Variants in IQCN observed in about 807,000 individuals in gnomAD.
IQCN encodes IQ domain-containing protein N.
In IQCN, 46 loss-of-function variants were observed where a neutral mutation model predicts 64.4. The observed-to-expected ratio is 0.71, with a 90% CI of 0.56 to 0.91. IQCN has a LOEUF of 0.91. Among genes scored for constraint, IQCN ranks in the 40% least tolerant of loss-of-function variants. The pLI, the probability that IQCN is intolerant of heterozygous loss-of-function variation, is 0.00. For missense variants in IQCN, 1,753 were observed against 1,857.4 expected (o/e 0.94, Z 1.03); for synonymous variants, 733 against 775.6 (o/e 0.95, Z 0.91).
chr19:18,257,913 A>T lies in IQCN; in HGVS notation c.3371T>A (p.Val1124Asp). 1.9e-6 allele frequency: 3 copies of T among 1,612,740 alleles called. No individual in the cohort carries two copies. The highest frequency in any genetic ancestry group is 2.5e-6 in the Non-Finnish European group (3 of 1,179,902). Residue 1124 changes from valine to aspartate, a missense_variant, in exon 4 of 4, where the codon GTC becomes GAC. By Grantham distance (152) the Val-to-Asp change is radical. Transcript: ENST00000392413. ...ILAVITIQAG[V>D]RGYLARRRIR... is the part of the protein sequence containing the mutation. Reference sequence around the variant, plus strand: ...CCTGCGACGCGCCAGGTAGCCACGGACGCCCGCCTGGATAGTGATCACTGC... The same window carrying T: ...CCTGCGACGCGCCAGGTAGCCACGGTCGCCCGCCTGGATAGTGATCACTGC...
In IQCN at chr19:18,264,988, T is replaced by C; in HGVS notation, c.2552A>G (p.Asp851Gly). 2 of 1,606,644 alleles carry C rather than the reference T, an allele frequency of 1.2e-6. No homozygotes were observed. The highest frequency in any genetic ancestry group is 1.7e-6 in the Non-Finnish European group (2 of 1,179,840). Residue 851 changes from aspartate (D) to glycine (G), a missense_variant, in exon 3 of 4, where the codon GAC becomes GGC. By Grantham distance (94) the Asp-to-Gly change is moderately conservative. Coordinates refer to ENST00000392413, the MANE Select transcript of IQCN (RefSeq NM_001145304.2). The surrounding 1 kb of genome is among the most constrained non-coding windows in gnomAD (Gnocchi z 4.3). ...TGGCTGGGCACGTGTGGCTCCGTTG[T>C]CTCCCCAGGACTCAACGTTGCATGT... ...HSTCNVESWG[D>G]NGATRAQPSM...
rs763978614 is a variant in IQCN, at chr19:18,266,644, G to T, written c.896C>A (p.Ser299Tyr). The change falls in exon 3 of 4, where the codon TCC (serine) becomes TAC (tyrosine). Residue 299 changes from serine (S) to tyrosine (Y), a missense_variant. By Grantham distance (144) the Ser-to-Tyr change is moderately radical. Transcript: ENST00000392413. This position sits in a 1 kb window ranked among gnomAD's most constrained non-coding sequence, Gnocchi z 4.3. ...NKARAPETPL[S>Y]RRYDQAVTRP... ...CGTAACTGCCTGGTCATACCTTCTG[G>T]ACAATGGTGTCTCCGGAGCCCTGGC... 1 of 1,614,098 alleles carries T rather than the reference G, an allele frequency of 6.2e-7. No individual in the cohort carries two copies. Among genetic ancestry groups the T allele is most frequent in the South Asian group, 1.1e-5 (1 of 91,084 alleles).
In IQCN at chr19:18,265,863, A is replaced by C. The variant is rs1969560715; in HGVS notation, c.1677T>G (p.Asn559Lys). ...TCACCACCTTTGCAGCCTGCTTCACATTCACGGTGGCCTTGGCCTTGGGTG... is the reference window on the plus strand; with the variant it reads ...TCACCACCTTTGCAGCCTGCTTCACCTTCACGGTGGCCTTGGCCTTGGGTG... Reference protein sequence around the residue: ...ENPPKAKATVNVKQAAKVVKA... With the variant: ...ENPPKAKATVKVKQAAKVVKA... The change falls in exon 3 of 4, where the codon AAT becomes AAG. Residue 559 changes from asparagine to lysine, a missense_variant. Asn to Lys is a moderately conservative substitution (Grantham distance 94). Coordinates refer to ENST00000392413, the MANE Select transcript of IQCN (RefSeq NM_001145304.2). This position sits in a 1 kb window ranked among gnomAD's most constrained non-coding sequence, Gnocchi z 4.7. 3 of 1,614,046 alleles carry C rather than the reference A, an allele frequency of 1.9e-6. No individual in the cohort carries two copies. Among genetic ancestry groups the C allele is most frequent in the Non-Finnish European group, 2.5e-6 (3 of 1,180,004 alleles).
chr19:18,267,920 G>A (rs1273797519), intron 2 of IQCN: 3 of 155,984 alleles, frequency 1.9e-5, no homozygotes, highest in African/African-American at 7.4e-5. Context: ...AGCCTCCCGA[G>A]TAGCTGGGAT....
chr19:18,264,263 C>A lies in IQCN; in HGVS notation c.3177+100G>T, dbSNP rs1004473307. 4.8e-6 allele frequency: 5 copies of A among 1,035,064 alleles called. No individual in the cohort carries two copies. The African/African-American group carries it at 6.5e-5, about 13-fold the overall frequency. 64.1% of individuals were successfully genotyped at this position (1,035,064 alleles called of 1,614,324 possible). A position where few individuals can be genotyped will look rare whatever the true frequency, so the allele number is the denominator to read the frequency against. Reference sequence around the variant, plus strand: ...CAGTGACCACAGATAAGCAGGGTGACCCCCACAAGATGGCCCCATCAATCC... The same window carrying A: ...CAGTGACCACAGATAAGCAGGGTGAACCCCACAAGATGGCCCCATCAATCC... On this transcript the variant is annotated intron_variant, in intron 3 of 3. Coordinates refer to ENST00000392413, the MANE Select transcript of IQCN (RefSeq NM_001145304.2). This position sits in a 1 kb window ranked among gnomAD's most constrained non-coding sequence, Gnocchi z 4.3.
chr19:18,272,976 G>A (rs567176256), intron 1 of IQCN, among the ~76,000 whole-genome samples: 1 of 152,160 alleles, frequency 6.6e-6, no homozygotes, highest in East Asian at 1.9e-4. Context: ...ATATTGAAAG[G>A]GTCCATTCGG....
Position 18,266,081 on chromosome 19 carries a change from C to T in IQCN, c.1459G>A (p.Gly487Arg). 17 of 1,613,602 alleles carry T rather than the reference C, an allele frequency of 1.1e-5. No individual in the cohort carries two copies. The highest frequency in any genetic ancestry group is 1.4e-5 in the Non-Finnish European group (16 of 1,179,878). Residue 487 changes from glycine to arginine, a missense_variant, in exon 3 of 4, where the codon GGG becomes AGG. Transcript: ENST00000392413. The surrounding 1 kb of genome is among the most constrained non-coding windows in gnomAD (Gnocchi z 4.3). ...GTCTGGGGTGAGGGCTTGGTCACCCCAACTGGGCTCCTCTGGGATGAAGTC... is the reference window on the plus strand; with the variant it reads ...GTCTGGGGTGAGGGCTTGGTCACCCTAACTGGGCTCCTCTGGGATGAAGTC... The part of the protein sequence containing the change: ...SKTSSQRSPV[G>R]VTKPSPQTRL...
intron 1 of IQCN, among the ~76,000 whole-genome samples, chr19:18,270,551 C>T (rs529657774): frequency 6.6e-6 from 1 of 151,742 alleles, no homozygotes; most frequent in South Asian, 2.1e-4. Flanking sequence ...CCCAGCTACT[C>T]GGGAGGCTGA....
In IQCN at chr19:18,267,013, G is replaced by T; in HGVS notation, c.527C>A (p.Pro176Gln). Residue 176 changes from proline to glutamine, a missense_variant, in exon 3 of 4, where the codon CCG (proline) becomes CAG (glutamine). By Grantham distance (76) the Pro-to-Gln change is moderately conservative. Transcript: ENST00000392413. ...HAPQQVRFQH[P>Q]EENRLLSPPI... ...CGGGGACAGAAGGCGGTTCTCTTCC[G>T]GATGCTGGAAGCGCACCTGCTGTGG... 2 of 1,614,232 alleles carry T rather than the reference G, an allele frequency of 1.2e-6. No homozygotes were observed. Among genetic ancestry groups the T allele is most frequent in the Non-Finnish European group, 1.7e-6 (2 of 1,180,034 alleles).
At chr19:18,272,139 T>C (rs1374275697) in intron 1 of IQCN, among the ~76,000 whole-genome samples, 1 of 134,026 alleles carries the variant, frequency 7.5e-6, no homozygotes, top group Non-Finnish European at 1.6e-5. Context: ...TTTTTTTTTC[T>C]CTCTCTCTTT....
At chr19:18,269,674 A>G (rs1262136168) in intron 1 of IQCN, 87 bp from the exon 2 acceptor site, 1 of 256,892 alleles carries the variant, frequency 3.9e-6, no homozygotes, top group African/African-American at 3.1e-5. Flanking sequence ...CTAAATTCTA[A>G]AAAAAAAAAA....
chr19:18,267,598 C>T, intron 2 of IQCN, 72 bp from the exon 3 acceptor site: 1 of 1,465,486 alleles, frequency 6.8e-7, no homozygotes, highest in East Asian at 2.4e-5. Flanking sequence ...CTGGGGTGGA[C>T]ACTGGCCCCC....
chr19:18,263,171 C>T (rs979331275), intron 3 of IQCN, among the ~76,000 whole-genome samples: 6 of 152,180 alleles, frequency 3.9e-5, no homozygotes, highest in African/African-American at 1.2e-4. Context: ...CAGACTTCAC[C>T]GCAAGGTCCC....
rs1473304444 is a variant in IQCN, at chr19:18,266,955, A to G, written c.585T>C (p.Pro195=). The part of the protein sequence containing the change: ...PIMVNKETQF[P]SCDNLVLCRP... ...TGCAGAGGACCAGATTGTCACAGGA[A>G]GGGAACTGGGTCTCCTTGTTCACCA... The change falls in exon 3 of 4, where the codon CCT becomes CCC. Residue 195 remains proline, a synonymous_variant. Transcript: ENST00000392413. This position sits in a 1 kb window ranked among gnomAD's most constrained non-coding sequence, Gnocchi z 4.3. The G allele has an allele frequency of 6.2e-7, 1 of 1,612,314 alleles. No homozygotes were observed. The highest frequency in any genetic ancestry group is 1.3e-5 in the African/African-American group (1 of 74,866).
intron 1 of IQCN, among the ~76,000 whole-genome samples, chr19:18,271,884 A>G (rs1488237504): frequency 6.6e-6 from 1 of 151,468 alleles, no homozygotes; most frequent in Non-Finnish European, 1.5e-5. Context: ...ATCTTGGCTC[A>G]CTGCAACCTC....
intron 1 of IQCN, among the ~76,000 whole-genome samples, chr19:18,270,051 T>TAAAAAAAAAAAAAA (rs60981546): frequency 1.6e-4 from 12 of 75,830 alleles, no homozygotes; most frequent in African/African-American, 6.9e-4. Flanking sequence ...AACTGTCTCT[T>TAAAAAAAAAAAAAA]AAAAAAAAAA....
In IQCN at chr19:18,266,838, C is replaced by G; in HGVS notation, c.702G>C (p.Gly234=). The G allele has an allele frequency of 6.2e-7, 1 of 1,612,398 alleles. No individual in the cohort carries two copies. Among genetic ancestry groups the G allele is most frequent in the Non-Finnish European group, 8.5e-7 (1 of 1,178,522 alleles). The change falls in exon 3 of 4, where the codon GGG becomes GGC. Residue 234 remains glycine, a synonymous_variant. Coordinates refer to ENST00000392413, the MANE Select transcript of IQCN (RefSeq NM_001145304.2). This position sits in a 1 kb window ranked among gnomAD's most constrained non-coding sequence, Gnocchi z 4.3. ...VQGPHAARVR[G]LAFLPHQTVT... Reference sequence around the variant, plus strand: ...CCGTCTGGTGTGGCAGGAAGGCCAGCCCCCGGACTCTGGCAGCATGAGGAC... The same window carrying G: ...CCGTCTGGTGTGGCAGGAAGGCCAGGCCCCGGACTCTGGCAGCATGAGGAC...
Position 18,264,358 on chromosome 19 carries a change from C to A in IQCN, c.3177+5G>T. ...ACCCCAGATCCCAACCTGGGAATCCCTGACCTTGCTGGTCTGTGGTCTCAC... is the reference window on the plus strand; with the variant it reads ...ACCCCAGATCCCAACCTGGGAATCCATGACCTTGCTGGTCTGTGGTCTCAC... On this transcript the variant is annotated splice_donor_5th_base_variant and intron_variant, in intron 3 of 3. Coordinates refer to ENST00000392413, the MANE Select transcript of IQCN (RefSeq NM_001145304.2). This position sits in a 1 kb window ranked among gnomAD's most constrained non-coding sequence, Gnocchi z 4.3. 6.8e-7 allele frequency: 1 copy of A among 1,465,508 alleles called. No homozygotes were observed. 90.8% of individuals were successfully genotyped at this position (1,465,508 alleles called of 1,614,324 possible).
Position 18,257,947 on chromosome 19 carries a change from G to C in IQCN, c.3337C>G (p.Arg1113Gly). ...MVSMQAAEEI[R>G]ILAVITIQAG... Reference sequence around the variant, plus strand: ...TGGATAGTGATCACTGCGAGGATGCGGATCTCCTCTGCAGCCTGCATGGAC... The same window carrying C: ...TGGATAGTGATCACTGCGAGGATGCCGATCTCCTCTGCAGCCTGCATGGAC... The change falls in exon 4 of 4, where the codon CGC becomes GGC. Residue 1113 changes from arginine (R) to glycine (G), a missense_variant. By Grantham distance (125) the Arg-to-Gly change is moderately radical (BLOSUM62 -2). Coordinates refer to ENST00000392413, the MANE Select transcript of IQCN (RefSeq NM_001145304.2). 6.2e-7 allele frequency: 1 copy of C among 1,612,914 alleles called. No homozygotes were observed. Among genetic ancestry groups the C allele is most frequent in the Non-Finnish European group, 8.5e-7 (1 of 1,179,958 alleles).
Sources: gnomAD v4.1 joint callset for allele counts (sites outside exome capture counted in the v4.1 genomes callset) on GRCh38, gnomAD v4.1.1 for gene constraint, Gnocchi (gnomAD v3.1) non-coding constraint, MANE v1.5 for transcripts, NCBI Gene and HGNC (gene_info 2026-07-23, HGNC 2026-07-21) for gene names.